The following MEP1A variants were observed in gnomAD, a reference collection of about 807,000 sequenced individuals.
The protein encoded by MEP1A is meprin A subunit alpha, also known as N-benzoyl-L-tyrosyl-P-amino-benzoic acid hydrolase subunit alpha.
Under a neutral mutation model 84.5 loss-of-function variants are expected in MEP1A, and 68 were observed. The observed-to-expected ratio is 0.80, with a 90% CI of 0.66 to 0.98. The LOEUF is 0.98. Ranked by LOEUF, MEP1A falls within the 50% of genes least tolerant of loss-of-function variation. MEP1A has a pLI of 0.00. For missense variants in MEP1A, 887 were observed against 919.9 expected, an observed-to-expected ratio of 0.96 and a Z score of 0.46; for synonymous variants, 337 against 336.8, an observed-to-expected ratio of 1.00 and a Z score of -0.01.
intron 5 of MEP1A, among the ~76,000 whole-genome samples, chr6:46,808,851 A>G (rs1470683709): frequency 6.6e-6 from 1 of 152,080 alleles, no homozygotes; most frequent in Non-Finnish European, 1.5e-5. Flanking sequence ...CTGGCTGGGA[A>G]GCAGGGTAAA....
chr6:46,809,188 T>C (rs1767431323), intron 5 of MEP1A, among the ~76,000 whole-genome samples: 1 of 152,098 alleles, frequency 6.6e-6, no homozygotes, highest in African/African-American at 2.4e-5. Flanking sequence ...TGTAGACATA[T>C]TTGCATTGTG....
rs771765128 is a variant in MEP1A at position 46,819,606 on chromosome 6, T to C, written c.458T>C (p.Ile153Thr). 1.9e-6 allele frequency: 3 copies of C among 1,614,150 alleles called. No homozygotes were observed. The highest frequency in any genetic ancestry group is 2.5e-6 in the Non-Finnish European group (3 of 1,179,992). The change falls in exon 7 of 14, where the codon ATA (isoleucine) becomes ACA (threonine). Residue 153 changes from isoleucine (I) to threonine (T), a missense_variant. Physicochemically the swap from Ile to Thr is moderately conservative, Grantham distance 89. Transcript: ENST00000230588. The part of the protein sequence containing the change: ...IGQGCAYKAI[I>T]EHEILHALGF... Reference sequence around the variant, plus strand: ...CAAGGATGTGCCTATAAGGCCATCATAGAACACGAGATCCTGCATGCTTTG... The same window carrying C: ...CAAGGATGTGCCTATAAGGCCATCACAGAACACGAGATCCTGCATGCTTTG...
chr6:46,845,240 C>A, the MEP1A span, among the ~76,000 whole-genome samples: 4 of 152,194 alleles, frequency 2.6e-5, no homozygotes, highest in African/African-American at 7.2e-5. Context: ...TTCTGGGAAC[C>A]TTTCCTAAAG....
chr6:46,831,466 CAG>C (rs1282173693), intron 10 of MEP1A, among the ~76,000 whole-genome samples: 2 of 152,280 alleles, frequency 1.3e-5, no homozygotes, highest in African/African-American at 4.8e-5. Context: ...TCTGAACTAA[CAG>C]GGATTAAATT....
rs1343800950 is a variant in MEP1A at position 46,807,568 on chromosome 6, G to GAAAGAAA, written c.263-1852_263-1851insAAAGAAA. On this transcript the variant is annotated intron_variant, in intron 5 of 13. Coordinates refer to ENST00000230588, the MANE Select transcript of MEP1A (RefSeq NM_005588.3). ...AGAAAGAAAGAAAGAAAGAAAGAAA[G>GAAAGAAA]GAAGGAAGGAAGGAAGGAAGGAAGG... Among the ~76,000 whole-genome samples the GAAAGAAA allele has an allele frequency of 1.2e-3, 50 of 42,972 alleles. 1 individual carries two copies. The highest frequency in any genetic ancestry group is 5.7e-3 in the African/African-American group (49 of 8,548). The allele number at this position is 42,972 out of a possible 152,430, so 28.2% of individuals were successfully genotyped here.
At chr6:46,826,774 C>A (rs762488261) in intron 9 of MEP1A, among the ~76,000 whole-genome samples, 25 of 152,152 alleles carry the variant, frequency 1.6e-4, no homozygotes, top group Non-Finnish European at 2.9e-4. Flanking sequence ...GTCTCTAGAA[C>A]CACACCCTCC....
At chr6:46,845,094 C>T in the MEP1A span, among the ~76,000 whole-genome samples, 1 of 152,212 alleles carries the variant, frequency 6.6e-6, no homozygotes, top group South Asian at 2.1e-4. Flanking sequence ...AACTGCTAGT[C>T]AATTAAACCT....
At chr6:46,800,627 G>C (rs778869371) in intron 5 of MEP1A, among the ~76,000 whole-genome samples, 8 of 152,208 alleles carry the variant, frequency 5.3e-5, no homozygotes, top group Non-Finnish European at 7.3e-5. Flanking sequence ...CCCAGACCCA[G>C]ACCACTGTGA....
At chr6:46,833,825 G>A (rs374506430) in intron 11 of MEP1A, among the ~76,000 whole-genome samples, 95 of 152,164 alleles carry the variant, frequency 6.2e-4, no homozygotes, top group African/African-American at 2.2e-3. Context: ...CACTGAGCTC[G>A]TTGTGATTGA....
At chr6:46,820,612 T>C (rs554826932) in intron 7 of MEP1A, among the ~76,000 whole-genome samples, 14 of 152,326 alleles carry the variant, frequency 9.2e-5, no homozygotes, top group African/African-American at 3.4e-4. Context: ...GGTCTTGAAC[T>C]CCTGACCTCA....
intron 7 of MEP1A, among the ~76,000 whole-genome samples, chr6:46,822,361 T>A (rs1767799228): frequency 6.6e-6 from 1 of 152,152 alleles, no homozygotes; most frequent in Non-Finnish European, 1.5e-5. Context: ...GTCTCAGCTG[T>A]GAGTCCCTAT....
At chr6:46,829,294 G>T in intron 9 of MEP1A, 62 bp from the exon 10 acceptor site, 6 of 1,389,466 alleles carry the variant, frequency 4.3e-6, no homozygotes, top group Middle Eastern at 2.5e-4. Flanking sequence ...ACTTTGTTTG[G>T]GTGGACAGAA....
chr6:46,839,138 C>G lies in MEP1A; in HGVS notation c.*2C>G. The G allele has an allele frequency of 6.2e-7, 1 of 1,611,382 alleles. No individual in the cohort carries two copies. The highest frequency in any genetic ancestry group is 8.5e-7 in the Non-Finnish European group (1 of 1,179,230). On this transcript the variant is annotated 3_prime_UTR_variant, in exon 14 of 14. Coordinates refer to ENST00000230588, the MANE Select transcript of MEP1A (RefSeq NM_005588.3). ...CTTTCCCAAAGGCCAAGGAAGTGAC[C>G]TGCCTGCTGGCATTGGCCAGACCAC... is the stretch of plus-strand genomic sequence containing the variant.
intron 5 of MEP1A, among the ~76,000 whole-genome samples, chr6:46,804,311 A>C (rs1335280645): frequency 5.3e-5 from 8 of 151,792 alleles, no homozygotes; most frequent in Non-Finnish European, 1.0e-4. Flanking sequence ...GTAGTGTTAA[A>C]AATTATTATT....
chr6:46,794,499 A>T (rs1767007039), intron 3 of MEP1A, among the ~76,000 whole-genome samples: 1 of 152,242 alleles, frequency 6.6e-6, no homozygotes. Flanking sequence ...CATAGGTAGC[A>T]GTGATGGGGC....
chr6:46,802,071 A>G (rs1340085909), intron 5 of MEP1A, among the ~76,000 whole-genome samples: 1 of 151,934 alleles, frequency 6.6e-6, no homozygotes, highest in Non-Finnish European at 1.5e-5. Context: ...AGCCTACTCC[A>G]GACCTTTTGC....
intron 3 of MEP1A, among the ~76,000 whole-genome samples, chr6:46,795,870 T>A (rs868647986): frequency 6.6e-6 from 1 of 152,166 alleles, no homozygotes; most frequent in Admixed American, 6.5e-5. Context: ...CAAAGTGTGG[T>A]CCACAGGCCA....
chr6:46,819,521 C>T lies in MEP1A; in HGVS notation c.381-8C>T. 1 of 1,595,898 alleles carries T rather than the reference C, an allele frequency of 6.3e-7. No homozygotes were observed. The highest frequency in any genetic ancestry group is 8.5e-7 in the Non-Finnish European group (1 of 1,169,610). Reference sequence around the variant, plus strand: ...TAGAAGAAATTTTTCCTCTTCTCCTCTTTAAAGGTGCTGGTCTGAGGTTGG... The same window carrying T: ...TAGAAGAAATTTTTCCTCTTCTCCTTTTTAAAGGTGCTGGTCTGAGGTTGG... On this transcript the variant is annotated splice_region_variant and splice_polypyrimidine_tract_variant and intron_variant, in intron 6 of 13. Transcript: ENST00000230588.
chr6:46,825,780 T>C (rs775455277), intron 8 of MEP1A, among the ~76,000 whole-genome samples: 12 of 152,320 alleles, frequency 7.9e-5, no homozygotes, highest in Non-Finnish European at 1.5e-4. Context: ...TATGTAGTTA[T>C]GTTTTATAAA....
Sources: allele counts gnomAD v4.1 joint callset (sites outside exome capture counted in the v4.1 genomes callset), GRCh38; gene constraint gnomAD v4.1.1; transcripts MANE v1.5; gene names NCBI Gene and HGNC (gene_info 2026-07-23, HGNC 2026-07-21).